The following ARHGEF28 variants were observed in gnomAD, a reference collection of about 807,000 sequenced individuals.
ARHGEF28 encodes the protein 190 kDa guanine nucleotide exchange factor.
In ARHGEF28, 152 loss-of-function variants were observed where a neutral mutation model predicts 206.6. The ratio of observed to expected loss-of-function variants is 0.74; its 90% confidence interval spans 0.64 to 0.84. The LOEUF (loss-of-function observed/expected upper bound fraction) is 0.84, where lower values mean the gene tolerates loss of function less well. ARHGEF28 is among the 40% of genes least tolerant of loss of function. The probability of loss-of-function intolerance (pLI) is 0.00; values close to 1 mark genes in which losing one functional copy is unlikely to be tolerated. For missense variants in ARHGEF28, 2,028 were observed against 2,073.2 expected (o/e 0.98, Z 0.42); for synonymous variants, 763 against 776.4 (o/e 0.98, Z 0.29).
chr5:73,897,243 C>T (rs1422929306), intron 29 of ARHGEF28, among the ~76,000 whole-genome samples: 2 of 152,178 alleles, frequency 1.3e-5, no homozygotes, highest in African/African-American at 4.8e-5. Context: ...TTATAATGCT[C>T]TAATAATGCT....
intron 4 of ARHGEF28, among the ~76,000 whole-genome samples, chr5:73,766,576 C>T (rs1259146416): frequency 6.6e-6 from 1 of 152,180 alleles, no homozygotes; most frequent in East Asian, 1.9e-4. Context: ...CCAACTCTGG[C>T]TTTGCATTGG....
intron 2 of ARHGEF28, among the ~76,000 whole-genome samples, chr5:73,689,284 T>TAGGAA (rs1747668907): frequency 6.6e-6 from 1 of 152,226 alleles, no homozygotes; most frequent in Non-Finnish European, 1.5e-5. Context: ...ATTTTCTTCT[T>TAGGAA]GGAGATATAG....
At chr5:73,836,086 T>G (rs1361152630) in intron 10 of ARHGEF28, among the ~76,000 whole-genome samples, 2 of 152,238 alleles carry the variant, frequency 1.3e-5, no homozygotes, top group African/African-American at 4.8e-5. Context: ...TCTTGGCTAC[T>G]GTGAATAGTG....
At chr5:73,852,725 C>A (rs1758782711) in intron 14 of ARHGEF28, 33 bp downstream of exon 14, 1 of 1,601,482 alleles carries the variant, frequency 6.2e-7, no homozygotes, top group Non-Finnish European at 8.6e-7. Context: ...TCCTGAGGAA[C>A]TGCATGATCC....
intron 26 of ARHGEF28, among the ~76,000 whole-genome samples, chr5:73,888,273 G>A (rs1761423663): frequency 6.6e-6 from 1 of 152,226 alleles, no homozygotes. Context: ...TCTAAAGACA[G>A]TGTATGAAAC....
chr5:73,682,776 C>A lies in ARHGEF28; in HGVS notation c.-11-2065C>A, dbSNP rs144988982. Among the ~76,000 whole-genome samples, 363 of 152,276 alleles carry A rather than the reference C, an allele frequency of 2.4e-3. 3 individuals are homozygous for A. Among genetic ancestry groups the A allele is most frequent in the African/African-American group, 8.3e-3 (344 of 41,566 alleles). ...GCAGAGCTCTGGCTGGGCATGGTGG[C>A]GCATGCCTGTAAGGCCAGCCACTCG... On this transcript the variant is annotated intron_variant, in intron 1 of 35. Coordinates refer to ENST00000513042, the MANE Select transcript of ARHGEF28 (RefSeq NM_001177693.2).
chr5:73,915,179 T>C (rs1198087700), intron 35 of ARHGEF28, among the ~76,000 whole-genome samples: 1 of 152,142 alleles, frequency 6.6e-6, no homozygotes, highest in Non-Finnish European at 1.5e-5. Context: ...CCCTTTTTAA[T>C]AGTAACATTT....
intron 9 of ARHGEF28, among the ~76,000 whole-genome samples, chr5:73,820,970 C>T (rs1756550330): frequency 1.3e-5 from 2 of 152,092 alleles, no homozygotes; most frequent in African/African-American, 2.4e-5. Context: ...AAAAACCCAC[C>T]GACCCTCAGA....
At chr5:73,749,808 G>A (rs201171387) in intron 2 of ARHGEF28, 29 bp from the exon 3 acceptor site, 141 of 1,611,988 alleles carry the variant, frequency 8.7e-5, no homozygotes, top group African/African-American at 2.7e-5. Flanking sequence ...AAGGAAGTCT[G>A]ACAATGCCCC....
At chr5:73,811,934 G>C (rs991719299) in intron 9 of ARHGEF28, among the ~76,000 whole-genome samples, 1 of 144,944 alleles carries the variant, frequency 6.9e-6, no homozygotes, top group African/African-American at 2.6e-5. Flanking sequence ...AATGAGCCGA[G>C]ATCCTGCCAC....
intron 8 of ARHGEF28, among the ~76,000 whole-genome samples, chr5:73,795,058 G>A (rs1403029415): frequency 1.3e-5 from 2 of 152,202 alleles, no homozygotes; most frequent in South Asian, 2.1e-4. Context: ...TGACAACAAT[G>A]TGATTACAAG....
At chr5:73,813,262 G>C (rs913853924) in intron 9 of ARHGEF28, among the ~76,000 whole-genome samples, 3 of 152,130 alleles carry the variant, frequency 2.0e-5, no homozygotes, top group African/African-American at 7.2e-5. Context: ...AACCAGAAGA[G>C]GGGAGTTAAT....
At chr5:73,896,094 G>GA (rs1388888250) in intron 29 of ARHGEF28, among the ~76,000 whole-genome samples, 13 of 152,110 alleles carry the variant, frequency 8.5e-5, no homozygotes, top group African/African-American at 2.7e-4. Context: ...AATACTTACG[G>GA]AAAAAAGAGA....
In ARHGEF28 at chr5:73,757,408, G is replaced by A. The variant is rs528787260; in HGVS notation, c.475+4206G>A. ...TCTTCAAATATAAATAGATCTTACC[G>A]AAGGAGTATTCATTGATTTCTGTAA... On this transcript the variant is annotated intron_variant, in intron 4 of 35. Coordinates refer to ENST00000513042, the MANE Select transcript of ARHGEF28 (RefSeq NM_001177693.2). Among the ~76,000 whole-genome samples the A allele has an allele frequency of 1.6e-4, 25 of 152,174 alleles. 1 individual carries two copies. The highest frequency in any genetic ancestry group is 6.8e-3 in the Middle Eastern group (2 of 294).
chr5:73,849,826 A>G (rs1409792596), intron 13 of ARHGEF28, among the ~76,000 whole-genome samples: 1 of 152,002 alleles, frequency 6.6e-6, no homozygotes, highest in African/African-American at 2.4e-5. Flanking sequence ...TTCTGTAATT[A>G]ATATGTAATA....
chr5:73,905,612 T>C (rs1466143530), intron 33 of ARHGEF28, among the ~76,000 whole-genome samples: 2 of 152,220 alleles, frequency 1.3e-5, no homozygotes, highest in East Asian at 3.9e-4. Flanking sequence ...TTCTGTAACA[T>C]GTAACTTTCT....
chr5:73,631,126 G>A (rs1040621725), intron 1 of ARHGEF28, among the ~76,000 whole-genome samples: 1 of 152,196 alleles, frequency 6.6e-6, no homozygotes, highest in African/African-American at 2.4e-5. Context: ...GCTCTGGAAA[G>A]AGGAAAGACA....
chr5:73,675,442 A>C (rs944670392), intron 1 of ARHGEF28, among the ~76,000 whole-genome samples: 2 of 152,116 alleles, frequency 1.3e-5, no homozygotes, highest in African/African-American at 4.8e-5. Context: ...ATAAAGTATG[A>C]AAATAAGCAG....
chr5:73,737,439 CTTCTT>C (rs71615797), intron 2 of ARHGEF28, among the ~76,000 whole-genome samples: 1,044 of 72,406 alleles, frequency 0.014, 11 homozygotes, highest in African/African-American at 0.017. Flanking sequence ...AGCCCTCTTC[CTTCTT>C]TTCTTTTCTT....
Sources: allele counts gnomAD v4.1 joint callset (sites outside exome capture counted in the v4.1 genomes callset), GRCh38; gene constraint gnomAD v4.1.1; transcripts MANE v1.5; gene names NCBI Gene and HGNC (gene_info 2026-07-23, HGNC 2026-07-21).